CSMD1: variants seen among roughly 807,000 people sequenced by gnomAD.
CSMD1 encodes CUB and sushi domain-containing protein 1.
A neutral mutation model predicts 417.5 loss-of-function variants in CSMD1; 213 were observed. The ratio of observed to expected loss-of-function variants is 0.51; its 90% CI spans 0.46 to 0.57. CSMD1 has a LOEUF of 0.57. CSMD1 is among the 20% of genes least tolerant of loss of function. The probability of loss-of-function intolerance (pLI) is 0.00; values close to 1 mark genes in which losing one functional copy is unlikely to be tolerated. For missense variants in CSMD1, 6,923 were observed against 4,529.7 expected (o/e 1.53, Z -15.17); for synonymous variants, 2,862 against 1,736.8 (o/e 1.65, Z -16.11).
intron 1 of CSMD1, among the ~76,000 whole-genome samples, chr8:4,768,176 T>C (rs1812597600): frequency 6.6e-6 from 1 of 152,092 alleles, no homozygotes; most frequent in Non-Finnish European, 1.5e-5. Context: ...AGCAGGACAT[T>C]GATGGATGAC....
intron 1 of CSMD1, among the ~76,000 whole-genome samples, chr8:4,904,817 G>C (rs1018702048): frequency 2.6e-5 from 4 of 152,112 alleles, no homozygotes; most frequent in African/African-American, 7.2e-5. Context: ...GAAACAGAAA[G>C]TCTGGCATGA....
intron 3 of CSMD1, among the ~76,000 whole-genome samples, chr8:4,414,641 G>C (rs1015350245): frequency 1.3e-5 from 2 of 152,076 alleles, no homozygotes; most frequent in Non-Finnish European, 2.9e-5. Context: ...TCACTAGAAA[G>C]AAAATCAAAT....
intron 49 of CSMD1, among the ~76,000 whole-genome samples, chr8:3,070,407 T>G (rs756595124): frequency 4.6e-5 from 7 of 152,228 alleles, no homozygotes; most frequent in Non-Finnish European, 1.0e-4. Flanking sequence ...AGTCATTTAT[T>G]TGCTCCTGTA....
intron 3 of CSMD1, among the ~76,000 whole-genome samples, chr8:4,219,471 G>C (rs964245427): frequency 6.6e-6 from 1 of 152,062 alleles, no homozygotes; most frequent in Admixed American, 6.6e-5. Context: ...TTGAACTCTA[G>C]TCCTGAATTT....
intron 57 of CSMD1, among the ~76,000 whole-genome samples, chr8:2,972,477 C>T (rs540043621): frequency 6.6e-6 from 1 of 152,298 alleles, no homozygotes; most frequent in South Asian, 2.1e-4. Flanking sequence ...ACTCCGAATA[C>T]ATGGTTACCA....
chr8:4,062,715 T>C (rs1276460093), intron 3 of CSMD1, among the ~76,000 whole-genome samples: 1 of 151,842 alleles, frequency 6.6e-6, no homozygotes, highest in East Asian at 1.9e-4. Context: ...TCATTATTCC[T>C]GATCAGCATT....
rs77245207 is a variant in CSMD1, at chr8:3,295,614, T to C, written c.3951-11268A>G. Among the ~76,000 whole-genome samples, 50 of 152,362 alleles carry C rather than the reference T, an allele frequency of 3.3e-4. No individual in the cohort carries two copies. In the East Asian group the frequency reaches 9.1e-3, roughly 28 times the overall value. On this transcript the variant is annotated intron_variant, in intron 25 of 69. Transcript: ENST00000635120. ...TTCCACTGTACTGATGCAAGGATCTTTCTAGGCCAGCATGATAAAGCAGAT... is the reference window on the plus strand; with the variant it reads ...TTCCACTGTACTGATGCAAGGATCTCTCTAGGCCAGCATGATAAAGCAGAT...
chr8:4,680,663 T>A (rs900678096), intron 1 of CSMD1, among the ~76,000 whole-genome samples: 4 of 152,146 alleles, frequency 2.6e-5, no homozygotes, highest in African/African-American at 9.7e-5. Context: ...CACTGCAACC[T>A]CTGCCTCCCA....
At chr8:3,511,360 C>A (rs1797059423) in intron 10 of CSMD1, among the ~76,000 whole-genome samples, 1 of 142,700 alleles carries the variant, frequency 7.0e-6, no homozygotes, top group African/African-American at 2.7e-5. Flanking sequence ...GCACATGTAT[C>A]CCAGAACTTA....
At chr8:4,755,601 A>G (rs1221120040) in intron 1 of CSMD1, among the ~76,000 whole-genome samples, 1 of 152,156 alleles carries the variant, frequency 6.6e-6, no homozygotes, top group African/African-American at 2.4e-5. Flanking sequence ...ATTTTATCAG[A>G]TGGAAAGTTA....
At chr8:4,611,242 G>A (rs181881051) in intron 2 of CSMD1, among the ~76,000 whole-genome samples, 31 of 152,166 alleles carry the variant, frequency 2.0e-4, no homozygotes, top group East Asian at 9.7e-4. Flanking sequence ...GGTACTATTC[G>A]TCAATTTACT....
chr8:4,848,998 A>G (rs1340818322), intron 1 of CSMD1, among the ~76,000 whole-genome samples: 1 of 152,192 alleles, frequency 6.6e-6, no homozygotes, highest in Admixed American at 6.5e-5. Context: ...GAAGTATTGG[A>G]GAATAAAGCG....
chr8:4,973,017 T>C (rs1041009272), intron 1 of CSMD1, among the ~76,000 whole-genome samples: 1 of 152,178 alleles, frequency 6.6e-6, no homozygotes. Context: ...TTTTATATTT[T>C]ATATATTTTA....
intron 3 of CSMD1, among the ~76,000 whole-genome samples, chr8:4,119,061 G>T (rs1011859653): frequency 5.9e-5 from 9 of 152,052 alleles, no homozygotes; most frequent in African/African-American, 1.9e-4. Context: ...CGGACACAGG[G>T]AGGGGAACAT....
At chr8:4,206,380 T>C (rs573305287) in intron 3 of CSMD1, among the ~76,000 whole-genome samples, 3 of 152,170 alleles carry the variant, frequency 2.0e-5, no homozygotes, top group Non-Finnish European at 2.9e-5. Context: ...GTATGTCATA[T>C]TCCCCACCCT....
chr8:3,705,621 G>C (rs182006085), intron 7 of CSMD1, among the ~76,000 whole-genome samples: 1 of 152,188 alleles, frequency 6.6e-6, no homozygotes, highest in Non-Finnish European at 1.5e-5. Context: ...GGGGGCTGTG[G>C]AACAAGAGCT....
chr8:3,924,466 T>C (rs1809498283), intron 5 of CSMD1, among the ~76,000 whole-genome samples: 1 of 152,196 alleles, frequency 6.6e-6, no homozygotes, highest in Non-Finnish European at 1.5e-5. Flanking sequence ...TATCTTTCTC[T>C]GTTTCTTCTG....
chr8:4,975,802 T>A (rs979128547), intron 1 of CSMD1, among the ~76,000 whole-genome samples: 2 of 152,130 alleles, frequency 1.3e-5, no homozygotes, highest in African/African-American at 4.8e-5. Flanking sequence ...TCATGAATAG[T>A]GTATGCATTT....
Position 4,189,492 on chromosome 8 carries a change from G to C in CSMD1, c.416-157393C>G, listed in dbSNP as rs185689571. On this transcript the variant is annotated intron_variant, in intron 3 of 69. Transcript: ENST00000635120. ...AAACAAAATTTTTCCGCTAGACAGAGAGCTATTAATTGTATAAACATATAT... is the reference window on the plus strand; with the variant it reads ...AAACAAAATTTTTCCGCTAGACAGACAGCTATTAATTGTATAAACATATAT... Among the ~76,000 whole-genome samples, 41 of 152,272 alleles carry C rather than the reference G, an allele frequency of 2.7e-4. 1 individual carries two copies. Among genetic ancestry groups the C allele is most frequent in the Non-Finnish European group, 7.4e-5 (5 of 68,016 alleles).
Sources: gnomAD v4.1 joint callset for allele counts (sites outside exome capture counted in the v4.1 genomes callset) on GRCh38, gnomAD v4.1.1 for gene constraint, MANE v1.5 for transcripts, NCBI Gene and HGNC (gene_info 2026-07-23, HGNC 2026-07-21) for gene names.